Variants in ZNF423 observed in about 807,000 individuals in gnomAD.
ZNF423 encodes the protein Ebf-associated zinc finger protein.
In ZNF423, 12 loss-of-function variants were observed where a neutral mutation model predicts 95.8. That is an observed-to-expected ratio of 0.13 (90% CI 0.08 to 0.20). ZNF423 has a LOEUF of 0.20. Among genes scored for constraint, ZNF423 ranks in the 10% least tolerant of loss-of-function variants. ZNF423 has a pLI of 1.00. For synonymous variants in ZNF423, 749 were observed against 711.9 expected, an observed-to-expected ratio of 1.05 and a Z score of -0.83; for missense variants, 1,316 against 1,737.1, an observed-to-expected ratio of 0.76 and a Z score of 4.31.
intron 2 of ZNF423, among the ~76,000 whole-genome samples, chr16:49,734,678 G>A (rs2033244799): frequency 6.6e-6 from 1 of 152,186 alleles, no homozygotes; most frequent in Admixed American, 6.5e-5. Context: ...TCAGGGCCAT[G>A]TGCATGGGAC....
In ZNF423 at chr16:49,487,730, T is replaced by C. The variant is rs1267154831; in HGVS notation, c.*3545A>G. On this transcript the variant is annotated 3_prime_UTR_variant, in exon 8 of 8. Coordinates refer to ENST00000563137, the MANE Select transcript of ZNF423 (RefSeq NM_001379286.1). ...ACCTAGAATTGAAACTCCATAGGAA[T>C]ACAGCTCTCTAAGGGTACTTCTGGC... The C allele has an allele frequency of 6.6e-6, 1 of 152,238 alleles. No individual in the cohort carries two copies. The highest frequency in any genetic ancestry group is 6.5e-5 in the Admixed American group (1 of 15,280). 9.4% of individuals were successfully genotyped at this position (152,238 alleles called of 1,614,324 possible).
At chr16:49,665,182 C>T (rs1377881203) in intron 3 of ZNF423, among the ~76,000 whole-genome samples, 8 of 152,248 alleles carry the variant, frequency 5.3e-5, no homozygotes, top group Non-Finnish European at 7.3e-5. Context: ...AGGGTTCTGC[C>T]ATCAAGAGCT....
At chr16:49,787,809 C>A (rs1016483850) in intron 2 of ZNF423, among the ~76,000 whole-genome samples, 9 of 152,162 alleles carry the variant, frequency 5.9e-5, no homozygotes, top group Non-Finnish European at 1.3e-4. Context: ...GGGAAAGCAG[C>A]TGGGAAGGAG....
chr16:49,808,958 G>T (rs994272129), intron 1 of ZNF423, among the ~76,000 whole-genome samples: 2 of 152,152 alleles, frequency 1.3e-5, no homozygotes, highest in Non-Finnish European at 2.9e-5. Flanking sequence ...AATGGGAAAG[G>T]ATACCACTGA....
At chr16:49,760,534 GA>G in intron 2 of ZNF423, among the ~76,000 whole-genome samples, 1 of 152,222 alleles carries the variant, frequency 6.6e-6, no homozygotes, top group South Asian at 2.1e-4. Context: ...AATGGGTGAA[GA>G]AAAACCAACT....
chr16:49,762,876 A>C (rs1265009887), intron 2 of ZNF423, among the ~76,000 whole-genome samples: 1 of 152,200 alleles, frequency 6.6e-6, no homozygotes, highest in African/African-American at 2.4e-5. Context: ...CACAACCTCC[A>C]CATCACTGAA....
At chr16:49,586,944 ACC>A (rs1970859707) in intron 5 of ZNF423, among the ~76,000 whole-genome samples, 1 of 151,890 alleles carries the variant, frequency 6.6e-6, no homozygotes, top group South Asian at 2.1e-4. Context: ...AGGAGGGGCA[ACC>A]TCATTCCTGG....
chr16:49,853,805 C>T, intron 1 of ZNF423: 8 of 985,438 alleles, frequency 8.1e-6, no homozygotes, highest in Non-Finnish European at 8.4e-6. Context: ...CTGTTCACTG[C>T]AAACTGCTCT....
chr16:49,760,704 A>C lies in ZNF423; in HGVS notation c.100+28783T>G, dbSNP rs187408003. ...CAGAACTCGAACTGAGCAGAGAATG[A>C]GGGAGGGCTTCCCAGAGGAGGGGAC... On this transcript the variant is annotated intron_variant, in intron 2 of 7. Coordinates refer to ENST00000563137, the MANE Select transcript of ZNF423 (RefSeq NM_001379286.1). Among the ~76,000 whole-genome samples the C allele has an allele frequency of 3.3e-3, 501 of 152,188 alleles. 2 individuals carry two copies. The highest frequency in any genetic ancestry group is 5.6e-3 in the Admixed American group (85 of 15,286).
intron 1 of ZNF423, chr16:49,854,327 G>A (rs1328523354): frequency 1.0e-6 from 1 of 985,264 alleles, no homozygotes; most frequent in Non-Finnish European, 1.2e-6. Context: ...CTGCTGGGCC[G>A]GGGGCAGTCC....
chr16:49,661,814 C>T (rs75493706), intron 3 of ZNF423, among the ~76,000 whole-genome samples: 4,297 of 152,254 alleles, frequency 0.028, 103 homozygotes, highest in Non-Finnish European at 0.046. Flanking sequence ...AGAGAGCCTC[C>T]GTTCAAATCT....
rs76656519 is a variant in ZNF423 at position 49,842,447 on chromosome 16, A to C, written c.40+13288T>G. Among the ~76,000 whole-genome samples the C allele has an allele frequency of 2.4e-3, 342 of 144,168 alleles. 1 individual carries two copies. The highest frequency in any genetic ancestry group is 3.0e-3 in the African/African-American group (118 of 39,480). The allele number at this position is 144,168 out of a possible 152,430, so 94.6% of individuals were successfully genotyped here. On this transcript the variant is annotated intron_variant, in intron 1 of 7. Transcript: ENST00000563137. ...CAGGCAGGCAGGCAGGCAGGCAGGCAGGCCCATAAACATAAAAGGCCAGGT... is the reference window on the plus strand; with the variant it reads ...CAGGCAGGCAGGCAGGCAGGCAGGCCGGCCCATAAACATAAAAGGCCAGGT...
intron 7 of ZNF423, among the ~76,000 whole-genome samples, chr16:49,517,465 C>T (rs1301380205): frequency 6.6e-6 from 1 of 152,196 alleles, no homozygotes. Flanking sequence ...TTAGGACAGA[C>T]TCCTGGAAGC....
intron 1 of ZNF423, among the ~76,000 whole-genome samples, chr16:49,852,744 C>T (rs934547510): frequency 7.9e-5 from 12 of 152,008 alleles, no homozygotes; most frequent in Admixed American, 1.3e-4. Flanking sequence ...TTCTGAAAAC[C>T]AATGAGGCTA....
intron 1 of ZNF423, among the ~76,000 whole-genome samples, chr16:49,817,102 T>A (rs1444603948): frequency 1.3e-5 from 2 of 152,172 alleles, no homozygotes; most frequent in Non-Finnish European, 2.9e-5. Context: ...CATCGCCACA[T>A]TTGCCATCTC....
At chr16:49,541,866 C>T (rs190711726) in intron 5 of ZNF423, among the ~76,000 whole-genome samples, 3 of 152,326 alleles carry the variant, frequency 2.0e-5, no homozygotes, top group African/African-American at 7.2e-5. Flanking sequence ...TCTATCATGA[C>T]TGTAAGTTTC....
chr16:49,519,212 G>A (rs140251812), intron 7 of ZNF423, among the ~76,000 whole-genome samples: 137 of 152,326 alleles, frequency 9.0e-4, no homozygotes, highest in African/African-American at 3.1e-3. Flanking sequence ...GCAGGCCTCC[G>A]GTTTGGGGCC....
intron 5 of ZNF423, among the ~76,000 whole-genome samples, chr16:49,541,493 T>G (rs1389149839): frequency 2.0e-5 from 3 of 152,204 alleles, no homozygotes; most frequent in African/African-American, 7.2e-5. Context: ...GCTGAGAAAC[T>G]TGCTGGAAGG....
intron 3 of ZNF423, among the ~76,000 whole-genome samples, chr16:49,649,292 C>T (rs994451482): frequency 9.9e-5 from 15 of 152,144 alleles, no homozygotes; most frequent in African/African-American, 3.6e-4. Context: ...CATATCCCCT[C>T]TTTGTGCTTT....
Sources: gnomAD v4.1 joint callset for allele counts (sites outside exome capture counted in the v4.1 genomes callset) on GRCh38, gnomAD v4.1.1 for gene constraint, MANE v1.5 for transcripts, NCBI Gene and HGNC (gene_info 2026-07-23, HGNC 2026-07-21) for gene names.